The following MCPH1 variants were observed in gnomAD, a reference collection of about 807,000 sequenced individuals.
MCPH1 encodes the protein microcephalin.
A neutral mutation model predicts 84.5 loss-of-function variants in MCPH1; 104 were observed. The observed-to-expected ratio is 1.23, with a 90% CI of 1.05 to 1.45. The LOEUF is 1.45. MCPH1 is among the 40% of genes most tolerant of loss of function. The pLI, the probability that MCPH1 is intolerant of heterozygous loss-of-function variation, is 0.00. For missense variants in MCPH1, 1,498 were observed against 1,005.7 expected, an observed-to-expected ratio of 1.49 and a Z score of -6.62; for synonymous variants, 514 against 366.8, an observed-to-expected ratio of 1.40 and a Z score of -4.58.
intron 12 of MCPH1, among the ~76,000 whole-genome samples, chr8:6,575,259 A>G (rs1427227203): frequency 6.6e-6 from 1 of 152,252 alleles, no homozygotes; most frequent in African/African-American, 2.4e-5. Flanking sequence ...TAAACAGTAT[A>G]TGAAACAGGT....
intron 8 of MCPH1, among the ~76,000 whole-genome samples, chr8:6,451,651 G>C (rs889329757): frequency 6.6e-6 from 1 of 152,088 alleles, no homozygotes; most frequent in Non-Finnish European, 1.5e-5. Context: ...AGTTTTACTT[G>C]TGTAGAACCC....
Position 6,517,731 on chromosome 8 carries a change from A to G in MCPH1, c.2214+17802A>G, listed in dbSNP as rs370430025. On this transcript the variant is annotated intron_variant, in intron 12 of 13. Transcript: ENST00000344683. ...TGAGGGTATCATTGTTCTGTTACAGATGGGGAAACTGAGCTCTCAGAAAGG... is the reference window on the plus strand; with the variant it reads ...TGAGGGTATCATTGTTCTGTTACAGGTGGGGAAACTGAGCTCTCAGAAAGG... Among the ~76,000 whole-genome samples, 18 of 152,296 alleles carry G rather than the reference A, an allele frequency of 1.2e-4. No homozygotes were observed. The Middle Eastern group carries it at 0.01, about 86-fold the overall frequency.
chr8:6,538,204 A>G (rs755341338), intron 12 of MCPH1, among the ~76,000 whole-genome samples: 1 of 152,148 alleles, frequency 6.6e-6, no homozygotes, highest in Non-Finnish European at 1.5e-5. Flanking sequence ...AAATAATTTG[A>G]GATTTCCTTG....
intron 12 of MCPH1, among the ~76,000 whole-genome samples, chr8:6,505,472 CAT>C (rs1221872312): frequency 2.4e-5 from 1 of 42,040 alleles, no homozygotes; most frequent in Non-Finnish European, 5.0e-5. Flanking sequence ...ATATTCTTTA[CAT>C]ATATAGAATA....
At chr8:6,554,121 A>G (rs1226324235) in intron 12 of MCPH1, among the ~76,000 whole-genome samples, 2 of 149,720 alleles carry the variant, frequency 1.3e-5, no homozygotes, top group Non-Finnish European at 3.0e-5. Flanking sequence ...GGTATCTAGT[A>G]GCCTTGTGAT....
intron 3 of MCPH1, 67 bp downstream of exon 3, chr8:6,414,950 T>C: frequency 2.0e-6 from 3 of 1,531,182 alleles, no homozygotes; most frequent in Non-Finnish European, 2.7e-6. Context: ...GAGATATTTT[T>C]CACAGATCGC....
chr8:6,576,836 A>T (rs1586688861), intron 12 of MCPH1, among the ~76,000 whole-genome samples: 1 of 150,846 alleles, frequency 6.6e-6, no homozygotes, highest in Admixed American at 6.6e-5. Context: ...GTGCTGGGAG[A>T]GGCACAGGCG....
chr8:6,603,911 A>G (rs987691546), intron 12 of MCPH1, among the ~76,000 whole-genome samples: 4 of 152,226 alleles, frequency 2.6e-5, no homozygotes, highest in Non-Finnish European at 5.9e-5. Context: ...TTGATTTGCA[A>G]GTCAGTTTCA....
At chr8:6,512,257 G>A (rs1815299183) in intron 12 of MCPH1, among the ~76,000 whole-genome samples, 1 of 152,154 alleles carries the variant, frequency 6.6e-6, no homozygotes, top group Non-Finnish European at 1.5e-5. Context: ...TCAGTTGGTT[G>A]TTCAGGCAAC....
At chr8:6,507,178 G>A (rs768269215) in intron 12 of MCPH1, among the ~76,000 whole-genome samples, 19 of 152,172 alleles carry the variant, frequency 1.2e-4, no homozygotes, top group Admixed American at 3.3e-4. Flanking sequence ...GATTACAAGC[G>A]GGGGCCACCA....
At chr8:6,602,532 G>A (rs181446849) in intron 12 of MCPH1, among the ~76,000 whole-genome samples, 378 of 152,198 alleles carry the variant, frequency 2.5e-3, no homozygotes, top group Non-Finnish European at 4.0e-3. Context: ...GCTGAGTGGC[G>A]GCGGCTGGGC....
chr8:6,409,401 T>C (rs761095304), intron 2 of MCPH1, 31 bp downstream of exon 2: 5 of 1,505,434 alleles, frequency 3.3e-6, no homozygotes. Flanking sequence ...TTGATTCATA[T>C]GACAGTCTTC....
At chr8:6,579,457 G>T (rs1047661531) in intron 12 of MCPH1, among the ~76,000 whole-genome samples, 1 of 152,196 alleles carries the variant, frequency 6.6e-6, no homozygotes, top group African/African-American at 2.4e-5. Flanking sequence ...GAGCTGGATT[G>T]TCTGTCGCCC....
Position 6,414,769 on chromosome 8 carries a change from C to G in MCPH1, c.119C>G (p.Ser40Ter), listed in dbSNP as rs1345028835. The G allele has an allele frequency of 1.2e-6, 2 of 1,613,538 alleles. No homozygotes were observed. Among genetic ancestry groups the G allele is most frequent in the Non-Finnish European group, 1.7e-6 (2 of 1,179,750 alleles). The change falls in exon 3 of 14, where the codon TCA (serine) becomes TGA (stop). Residue 40 changes from serine to a stop codon, truncating the protein, a stop_gained. Transcript: ENST00000344683. LOFTEE classifies it high-confidence loss of function. ...TQLVDMGAKV[S>*]KTFNKQVTHV... ...TTTTCTGCATTTTGTCTACAGGTTT[C>G]AAAAACTTTTAACAAACAAGTAACT... is the stretch of plus-strand genomic sequence containing the variant.
At chr8:6,414,919 A>G (rs1232954651) in intron 3 of MCPH1, 36 bp downstream of exon 3, 3 of 1,605,954 alleles carry the variant, frequency 1.9e-6, no homozygotes, top group Non-Finnish European at 2.6e-6. Context: ...TTCCTTAAGT[A>G]TCTAGTATTG....
In MCPH1 at chr8:6,480,774, C is replaced by T. The variant is rs1295000815; in HGVS notation, c.2034C>T (p.Asp678=). The change falls in exon 11 of 14, where the codon GAC becomes GAT. Residue 678 remains aspartate (D), a synonymous_variant. Transcript: ENST00000344683. ...DKLKGFSIAP[D]VCETTTHVLS... is the part of the protein sequence containing the mutation. ...TGAAAGGCTTTTCAATTGCACCAGA[C>T]GTCTGTGAGACCACGACTCACGTGC... The T allele has an allele frequency of 5.6e-6, 9 of 1,614,098 alleles. No homozygotes were observed. Among genetic ancestry groups the T allele is most frequent in the African/African-American group, 1.3e-5 (1 of 74,936 alleles).
intron 12 of MCPH1, among the ~76,000 whole-genome samples, chr8:6,565,359 T>G (rs1826067288): frequency 6.6e-6 from 1 of 152,226 alleles, no homozygotes; most frequent in Admixed American, 6.5e-5. Flanking sequence ...GGGTACAATT[T>G]TTTTATTTCC....
chr8:6,548,618 A>T (rs561429237), intron 12 of MCPH1, among the ~76,000 whole-genome samples: 8 of 152,236 alleles, frequency 5.3e-5, no homozygotes, highest in Non-Finnish European at 1.0e-4. Flanking sequence ...GGATTTTTGT[A>T]ATGATGGCCG....
rs79098152 is a variant in MCPH1 at position 6,555,030 on chromosome 8, T to C, written c.2214+55101T>C. Among the ~76,000 whole-genome samples the C allele has an allele frequency of 9.9e-3, 1,500 of 152,080 alleles. 10 individuals carry two copies. Among genetic ancestry groups the C allele is most frequent in the Non-Finnish European group, 0.016 (1,100 of 67,958 alleles). Reference sequence around the variant, plus strand: ...CAGTGGTAGGCAGAGTTCCTTCCCCTTTTTTTTAAACCACACATAAAACAG... The same window carrying C: ...CAGTGGTAGGCAGAGTTCCTTCCCCCTTTTTTTAAACCACACATAAAACAG... On this transcript the variant is annotated intron_variant, in intron 12 of 13. Coordinates refer to ENST00000344683, the MANE Select transcript of MCPH1 (RefSeq NM_024596.5).
Sources: gnomAD v4.1 joint callset for allele counts (sites outside exome capture counted in the v4.1 genomes callset) on GRCh38, gnomAD v4.1.1 for gene constraint, MANE v1.5 for transcripts, NCBI Gene and HGNC (gene_info 2026-07-23, HGNC 2026-07-21) for gene names.